Variants in SNTG1 observed in about 807,000 individuals in gnomAD.
SNTG1 encodes gamma-1-syntrophin.
In SNTG1, 39 loss-of-function variants were observed where a neutral mutation model predicts 74.7. That is an observed-to-expected ratio of 0.52 (90% confidence interval 0.40 to 0.68). The LOEUF (loss-of-function observed/expected upper bound fraction) is 0.68, where lower values mean the gene tolerates loss of function less well. Ranked by LOEUF, SNTG1 falls within the 30% of genes least tolerant of loss-of-function variation. SNTG1 has a pLI of 0.00. For missense variants in SNTG1, 685 were observed against 609.5 expected (o/e 1.12, Z -1.30); for synonymous variants, 254 against 217.1 (o/e 1.17, Z -1.49).
intron 2 of SNTG1, among the ~76,000 whole-genome samples, chr8:50,253,148 C>A (rs1180407425): frequency 2.6e-5 from 4 of 152,202 alleles, no homozygotes; most frequent in African/African-American, 9.6e-5. Context: ...AAATAGAGGC[C>A]ATGCTCAATG....
intron 8 of SNTG1, among the ~76,000 whole-genome samples, chr8:50,495,657 G>T (rs1045995220): frequency 2.6e-5 from 4 of 152,082 alleles, no homozygotes; most frequent in Admixed American, 6.6e-5. Context: ...CAGCTCTTGT[G>T]AATATTACAG....
At chr8:50,580,814 A>G (rs1177493234) in intron 12 of SNTG1, among the ~76,000 whole-genome samples, 1 of 152,080 alleles carries the variant, frequency 6.6e-6, no homozygotes, top group African/African-American at 2.4e-5. Flanking sequence ...GTCTTTATCA[A>G]TAGAGTGAGA....
intron 11 of SNTG1, among the ~76,000 whole-genome samples, chr8:50,545,975 G>A (rs1472783345): frequency 6.6e-6 from 1 of 152,078 alleles, no homozygotes; most frequent in Admixed American, 6.6e-5. Context: ...TTGAAGGAGG[G>A]AAACCTACAG....
At chr8:50,191,410 G>C (rs1384543344) in intron 2 of SNTG1, among the ~76,000 whole-genome samples, 1 of 152,044 alleles carries the variant, frequency 6.6e-6, no homozygotes, top group Non-Finnish European at 1.5e-5. Flanking sequence ...TAATATGCCA[G>C]GTGAATCAGT....
At chr8:50,450,155 G>A (rs2093442625) in intron 6 of SNTG1, among the ~76,000 whole-genome samples, 1 of 152,208 alleles carries the variant, frequency 6.6e-6, no homozygotes, top group South Asian at 2.1e-4. Flanking sequence ...GATGTTGCAA[G>A]AACTGAAATT....
intron 18 of SNTG1, among the ~76,000 whole-genome samples, chr8:50,767,291 A>T (rs1186000844): frequency 6.6e-6 from 1 of 151,998 alleles, no homozygotes; most frequent in Non-Finnish European, 1.5e-5. Flanking sequence ...AACATTCCAA[A>T]TAGTGCTTAA....
At chr8:50,312,557 A>T (rs1007850376) in intron 2 of SNTG1, among the ~76,000 whole-genome samples, 2 of 149,936 alleles carry the variant, frequency 1.3e-5, no homozygotes, top group Non-Finnish European at 2.9e-5. Context: ...AGATTGTGGA[A>T]AAAGTCAGTC....
At chr8:50,189,729 C>CAG (rs2083499480) in intron 2 of SNTG1, among the ~76,000 whole-genome samples, 1 of 152,008 alleles carries the variant, frequency 6.6e-6, no homozygotes, top group Admixed American at 6.6e-5. Flanking sequence ...CACAGCAGAA[C>CAG]AGAACATTTA....
chr8:50,667,367 A>G (rs1201360495), intron 15 of SNTG1, among the ~76,000 whole-genome samples: 1 of 152,080 alleles, frequency 6.6e-6, no homozygotes, highest in African/African-American at 2.4e-5. Flanking sequence ...ACTGAATACC[A>G]CAGTCTGAGT....
chr8:50,077,761 G>C (rs751345252), intron 1 of SNTG1, among the ~76,000 whole-genome samples: 1 of 152,048 alleles, frequency 6.6e-6, no homozygotes, highest in Non-Finnish European at 1.5e-5. Context: ...AGTTATTTTG[G>C]TGTGTGTCCA....
chr8:50,513,598 C>T (rs1380071481), intron 9 of SNTG1, among the ~76,000 whole-genome samples: 2 of 152,256 alleles, frequency 1.3e-5, no homozygotes, highest in East Asian at 3.9e-4. Context: ...TGTCTACCTA[C>T]TCAAGCCTTG....
intron 2 of SNTG1, among the ~76,000 whole-genome samples, chr8:50,193,115 C>T (rs1303514743): frequency 2.6e-5 from 4 of 151,774 alleles, no homozygotes; most frequent in Non-Finnish European, 4.4e-5. Flanking sequence ...TTTGCTTAGT[C>T]TGCTTTGGCT....
intron 2 of SNTG1, among the ~76,000 whole-genome samples, chr8:50,240,977 G>A (rs2086139419): frequency 1.3e-5 from 2 of 152,056 alleles, no homozygotes; most frequent in Admixed American, 1.3e-4. Flanking sequence ...TAGCCTTAAT[G>A]TAATTAAACC....
At chr8:50,242,546 CA>C (rs1412950756) in intron 2 of SNTG1, among the ~76,000 whole-genome samples, 8,736 of 29,866 alleles carry the variant, frequency 0.29, 407 homozygotes, top group Middle Eastern at 0.49. Context: ...AAAAAAAAAA[CA>C]CACCAGGAAA....
intron 1 of SNTG1, among the ~76,000 whole-genome samples, chr8:49,979,838 G>A (rs1349780565): frequency 6.6e-6 from 1 of 152,228 alleles, no homozygotes; most frequent in Non-Finnish European, 1.5e-5. Flanking sequence ...GTGCGTGTGT[G>A]TGCAGGGAAA....
At chr8:50,365,555 T>A (rs1288994142) in intron 2 of SNTG1, among the ~76,000 whole-genome samples, 2 of 152,132 alleles carry the variant, frequency 1.3e-5, no homozygotes, top group Non-Finnish European at 2.9e-5. Context: ...AAGAATTGTA[T>A]AAAATCAAAG....
At chr8:50,510,406 T>C (rs1394493709) in intron 9 of SNTG1, among the ~76,000 whole-genome samples, 1 of 152,046 alleles carries the variant, frequency 6.6e-6, no homozygotes, top group Non-Finnish European at 1.5e-5. Context: ...CCAGCCTTTG[T>C]TATCAGGATG....
intron 9 of SNTG1, among the ~76,000 whole-genome samples, chr8:50,517,429 C>G (rs1389461540): frequency 6.6e-6 from 1 of 151,990 alleles, no homozygotes; most frequent in African/African-American, 2.4e-5. Context: ...GGATCAAATA[C>G]ACACATACCA....
intron 2 of SNTG1, among the ~76,000 whole-genome samples, chr8:50,342,936 A>T (rs10283221): frequency 0.065 from 9,941 of 152,244 alleles, 353 homozygotes; most frequent in African/African-American, 0.072. Context: ...CCTGGAGCTC[A>T]CTGACAAATC....
Sources: gnomAD v4.1 joint callset for allele counts (sites outside exome capture counted in the v4.1 genomes callset) on GRCh38, gnomAD v4.1.1 for gene constraint, MANE v1.5 for transcripts, NCBI Gene and HGNC (gene_info 2026-07-23, HGNC 2026-07-21) for gene names.